SMARCA2: variants seen among roughly 807,000 people sequenced by gnomAD.
The protein encoded by SMARCA2 is SWI/SNF related BAF chromatin remodeling complex subunit ATPase 2, also known as SWI/SNF-related matrix-associated actin-dependent regulator of chromatin subfamily A member 2.
In SMARCA2, 61 loss-of-function variants were observed where a neutral mutation model predicts 199.8. The observed-to-expected ratio is 0.31, with a 90% CI of 0.25 to 0.38. The LOEUF (loss-of-function observed/expected upper bound fraction) is 0.38. Ranked by LOEUF, SMARCA2 falls within the 10% of genes least tolerant of loss-of-function variation. The pLI is 1.00. For synonymous variants in SMARCA2, 935 were observed against 732.0 expected (o/e 1.28, Z -4.48); for missense variants, 1,344 against 2,012.2 (o/e 0.67, Z 6.35).
chr9:2,082,108 A>C, intron 15 of SMARCA2, 113 bp downstream of exon 15: 1 of 844,316 alleles, frequency 1.2e-6, no homozygotes, highest in Non-Finnish European at 1.8e-6. Flanking sequence ...ACTAACCTAA[A>C]TCCAGATTAC....
intron 4 of SMARCA2, chr9:2,042,796 A>C (rs1819669595): frequency 6.6e-6 from 1 of 152,148 alleles, no homozygotes; most frequent in African/African-American, 2.4e-5. Context: ...TAGAAATGAC[A>C]ATATTTGGGC....
chr9:2,190,059 G>A (rs1037206943), intron 32 of SMARCA2, among the ~76,000 whole-genome samples: 7 of 152,148 alleles, frequency 4.6e-5, no homozygotes, highest in Non-Finnish European at 8.8e-5. Flanking sequence ...TACCAAAAAT[G>A]GTATTCTGTG....
At chr9:2,054,560 C>G (rs758396796) in intron 5 of SMARCA2, 37 bp from the exon 6 acceptor site, 13 of 1,595,468 alleles carry the variant, frequency 8.1e-6, no homozygotes, top group Admixed American at 1.7e-5. Flanking sequence ...TGTGTTTTTC[C>G]CCTGCCCCCT....
intron 31 of SMARCA2, among the ~76,000 whole-genome samples, chr9:2,185,319 C>T (rs540015701): frequency 3.9e-5 from 6 of 152,090 alleles, no homozygotes; most frequent in African/African-American, 1.2e-4. Context: ...ATGGACTTAG[C>T]GTAACAATCC....
rs146028395 is a variant in SMARCA2, at chr9:2,048,578, A to G, written c.1046+1094A>G. Among the ~76,000 whole-genome samples, 12 of 152,332 alleles carry G rather than the reference A, an allele frequency of 7.9e-5. No individual in the cohort carries two copies. The East Asian group carries it at 1.2e-3, about 15-fold the overall frequency. On this transcript the variant is annotated intron_variant, in intron 5 of 33. Coordinates refer to ENST00000349721, the MANE Select transcript of SMARCA2 (RefSeq NM_003070.5). Reference sequence around the variant, plus strand: ...CTTAATCTTTATTGAAAAGCACATCACTCATTTCTTATCAGACTAAAATAC... The same window carrying G: ...CTTAATCTTTATTGAAAAGCACATCGCTCATTTCTTATCAGACTAAAATAC...
intron 32 of SMARCA2, among the ~76,000 whole-genome samples, chr9:2,189,262 G>C (rs1827710232): frequency 6.6e-6 from 1 of 152,098 alleles, no homozygotes; most frequent in East Asian, 1.9e-4. Context: ...AAAACCTTAG[G>C]AAGCTGTTTA....
At chr9:2,062,056 A>G (rs895325706) in intron 9 of SMARCA2, among the ~76,000 whole-genome samples, 2 of 152,096 alleles carry the variant, frequency 1.3e-5, no homozygotes, top group African/African-American at 4.8e-5. Context: ...TCCAATTCCT[A>G]CCTTAAAAAG....
intron 2 of SMARCA2, among the ~76,000 whole-genome samples, chr9:2,031,297 A>G (rs1819060647): frequency 6.6e-6 from 1 of 152,184 alleles, no homozygotes; most frequent in Non-Finnish European, 1.5e-5. Flanking sequence ...CATATTTTTC[A>G]GGGGACCTAT....
intron 32 of SMARCA2, among the ~76,000 whole-genome samples, chr9:2,189,179 T>C (rs1277181441): frequency 6.6e-6 from 1 of 152,178 alleles, no homozygotes; most frequent in African/African-American, 2.4e-5. Flanking sequence ...TATGGACATC[T>C]TGTGAGGAGA....
At chr9:2,180,093 G>A (rs997345930) in intron 29 of SMARCA2, among the ~76,000 whole-genome samples, 1 of 152,178 alleles carries the variant, frequency 6.6e-6, no homozygotes, top group African/African-American at 2.4e-5. Flanking sequence ...GAGATGTGAG[G>A]GGTAGGGGTG....
In SMARCA2 at chr9:2,138,593, C is replaced by T. The variant is rs537756819; in HGVS notation, c.3981+14656C>T. 7.9e-5 allele frequency among the ~76,000 whole-genome samples: 12 copies of T among 152,334 alleles called. No homozygotes were observed. In the East Asian group the frequency reaches 1.4e-3, roughly 17 times the overall value. On this transcript the variant is annotated intron_variant, in intron 27 of 33. Coordinates refer to ENST00000349721, the MANE Select transcript of SMARCA2 (RefSeq NM_003070.5). ...CATAGTCCGTTCTTCTCTTCCACAG[C>T]TGCCTCTGATAACTTATGAAAGATG... is the stretch of plus-strand genomic sequence containing the variant.
chr9:2,180,867 C>A (rs1413613751), intron 29 of SMARCA2, among the ~76,000 whole-genome samples: 1 of 152,150 alleles, frequency 6.6e-6, no homozygotes, highest in Non-Finnish European at 1.5e-5. Flanking sequence ...CAGCACTAAT[C>A]CCAGAAATGT....
At position 2,096,768 on chromosome 9, in the gene SMARCA2, C is replaced by T. The variant is rs368570953; in HGVS notation, c.2991+4C>T. ...TGGTTCTGAGAAAGATAAGAAGGTA[C>T]GTTGCGAAAGATGATGCAACTCAAG... On this transcript the variant is annotated splice_donor_region_variant and intron_variant, in intron 20 of 33. Coordinates refer to ENST00000349721, the MANE Select transcript of SMARCA2 (RefSeq NM_003070.5). The T allele has an allele frequency of 1.4e-5, 22 of 1,582,020 alleles. No homozygotes were observed. Among genetic ancestry groups the T allele is most frequent in the African/African-American group, 2.7e-5 (2 of 74,256 alleles).
At chr9:2,071,132 G>T (rs922907088) in intron 10 of SMARCA2, among the ~76,000 whole-genome samples, 3 of 152,154 alleles carry the variant, frequency 2.0e-5, no homozygotes, top group African/African-American at 7.2e-5. Context: ...TCTTCATTTT[G>T]TCTCATAAAT....
At chr9:2,101,802 C>G (rs1822528992) in intron 22 of SMARCA2, among the ~76,000 whole-genome samples, 186 bp downstream of exon 22, 1 of 152,114 alleles carries the variant, frequency 6.6e-6, no homozygotes, top group African/African-American at 2.4e-5. Flanking sequence ...TTATTACTTG[C>G]CTTAAGCAAG....
chr9:2,049,110 A>C (rs546599587), intron 5 of SMARCA2, among the ~76,000 whole-genome samples: 1 of 152,164 alleles, frequency 6.6e-6, no homozygotes, highest in Non-Finnish European at 1.5e-5. Context: ...TACCTTTGTT[A>C]AACTATGTGA....
chr9:2,172,017 CAG>C (rs1826273015), intron 29 of SMARCA2, among the ~76,000 whole-genome samples: 1 of 152,120 alleles, frequency 6.6e-6, no homozygotes, highest in South Asian at 2.1e-4. Context: ...CTGTAATTTC[CAG>C]AGACATAGCA....
At chr9:2,190,126 T>C (rs1352726544) in intron 32 of SMARCA2, among the ~76,000 whole-genome samples, 2 of 152,240 alleles carry the variant, frequency 1.3e-5, no homozygotes, top group Non-Finnish European at 2.9e-5. Flanking sequence ...TTGGGATATG[T>C]ACCTATATTT....
At position 2,104,655 on chromosome 9, in the gene SMARCA2, T is replaced by A. The variant is rs1045691137; in HGVS notation, c.3292+486T>A. On this transcript the variant is annotated intron_variant, in intron 23 of 33. Transcript: ENST00000349721. The surrounding 1 kb of genome is among the most constrained non-coding windows in gnomAD (Gnocchi z 4.0). ...AATAAGACGTATCCACATGTTACAT[T>A]GTTAAGAGACATGACTTCATTGTTT... Among the ~76,000 whole-genome samples the A allele has an allele frequency of 6.6e-5, 10 of 152,212 alleles. No homozygotes were observed. Among genetic ancestry groups the A allele is most frequent in the Non-Finnish European group, 8.8e-5 (6 of 68,036 alleles).
Sources: gnomAD v4.1 joint callset for allele counts (sites outside exome capture counted in the v4.1 genomes callset) on GRCh38, gnomAD v4.1.1 for gene constraint, Gnocchi (gnomAD v3.1) non-coding constraint, MANE v1.5 for transcripts, NCBI Gene and HGNC (gene_info 2026-07-23, HGNC 2026-07-21) for gene names.